Variants in NFIB observed in about 807,000 individuals in gnomAD.
The protein encoded by NFIB is nuclear factor 1 B-type.
In NFIB, 11 loss-of-function variants were observed where a neutral mutation model predicts 61.5. The ratio of observed to expected loss-of-function variants is 0.18; its 90% confidence interval spans 0.11 to 0.30. The LOEUF (loss-of-function observed/expected upper bound fraction) is 0.30. Ranked by LOEUF, NFIB falls within the 10% of genes least tolerant of loss-of-function variation. NFIB has a pLI of 1.00. For missense variants in NFIB, 471 were observed against 608.9 expected (o/e 0.77, Z 2.38); for synonymous variants, 260 against 216.5 (o/e 1.20, Z -1.76).
chr9:14,150,882 C>T (rs531104606), intron 4 of NFIB, among the ~76,000 whole-genome samples: 24 of 152,004 alleles, frequency 1.6e-4, no homozygotes, highest in African/African-American at 5.5e-4. Flanking sequence ...ACCCCATTTA[C>T]CCTGATGTGA....
chr9:14,239,878 T>C (rs2054175669), intron 2 of NFIB, among the ~76,000 whole-genome samples: 1 of 152,092 alleles, frequency 6.6e-6, no homozygotes, highest in Non-Finnish European at 1.5e-5. Context: ...AAAGAGAACA[T>C]TACATTTCAC....
intron 1 of NFIB, among the ~76,000 whole-genome samples, chr9:14,345,075 T>A (rs1238806400): frequency 6.6e-6 from 1 of 152,186 alleles, no homozygotes; most frequent in Non-Finnish European, 1.5e-5. Flanking sequence ...GCCACTCTCC[T>A]GAGCTCGGCC....
the NFIB span, among the ~76,000 whole-genome samples, chr9:14,464,298 C>T: frequency 5.3e-5 from 8 of 152,136 alleles, no homozygotes; most frequent in South Asian, 2.1e-4. Context: ...TTCAGCTTAT[C>T]GTGCAGGTAA....
At chr9:14,190,426 G>T (rs1217812241) in intron 2 of NFIB, among the ~76,000 whole-genome samples, 1 of 152,050 alleles carries the variant, frequency 6.6e-6, no homozygotes, top group East Asian at 1.9e-4. Flanking sequence ...AATATTAGAG[G>T]AAAAAAATCA....
intron 6 of NFIB, among the ~76,000 whole-genome samples, chr9:14,141,704 A>G (rs73642097): frequency 0.19 from 29,253 of 152,044 alleles, 3,133 homozygotes; most frequent in South Asian, 0.34. Context: ...GTAGAAATTA[A>G]TAACATTTTA....
the NFIB span, among the ~76,000 whole-genome samples, chr9:14,420,432 C>A: frequency 1.3e-5 from 1 of 74,980 alleles, no homozygotes; most frequent in Non-Finnish European, 2.5e-5. Flanking sequence ...GGCAACAGAG[C>A]GAGACTCCGT....
chr9:14,263,310 C>A (rs1414671896), intron 2 of NFIB, among the ~76,000 whole-genome samples: 2 of 150,186 alleles, frequency 1.3e-5, no homozygotes, highest in East Asian at 3.9e-4. Flanking sequence ...GCTACGAACT[C>A]AAGGATGTTC....
intron 10 of NFIB, among the ~76,000 whole-genome samples, chr9:14,095,729 A>G (rs1216634026): frequency 6.6e-6 from 1 of 152,172 alleles, no homozygotes; most frequent in African/African-American, 2.4e-5. Flanking sequence ...TATTTGCACA[A>G]TTTTACCTCT....
At chr9:14,259,024 G>A (rs1244610419) in intron 2 of NFIB, among the ~76,000 whole-genome samples, 1 of 152,130 alleles carries the variant, frequency 6.6e-6, no homozygotes, top group Non-Finnish European at 1.5e-5. Context: ...GGGAGTGGGG[G>A]AGTGGTATAA....
upstream of NFIB, among the ~76,000 whole-genome samples, chr9:14,400,667 G>A (rs1230152081): frequency 6.6e-6 from 1 of 152,132 alleles, no homozygotes; most frequent in Admixed American, 6.6e-5. Context: ...AGCAAACCAA[G>A]CAGGAGGCCT....
the NFIB span, among the ~76,000 whole-genome samples, chr9:14,457,766 G>A: frequency 6.6e-6 from 1 of 152,136 alleles, no homozygotes; most frequent in Non-Finnish European, 1.5e-5. Flanking sequence ...AGAAAATCTA[G>A]AAGAAATGGA....
intron 2 of NFIB, among the ~76,000 whole-genome samples, chr9:14,304,447 T>C (rs1259163698): frequency 6.6e-6 from 1 of 152,252 alleles, no homozygotes; most frequent in Non-Finnish European, 1.5e-5. Context: ...CACACTGCAA[T>C]GCGGATGCCA....
chr9:14,135,489 C>G (rs1159803994), intron 6 of NFIB, among the ~76,000 whole-genome samples: 2 of 152,114 alleles, frequency 1.3e-5, no homozygotes, highest in Admixed American at 1.3e-4. Context: ...CTAAGGACTC[C>G]TCTAGATGTA....
At chr9:14,121,751 T>C (rs2038970121) in intron 7 of NFIB, among the ~76,000 whole-genome samples, 1 of 152,176 alleles carries the variant, frequency 6.6e-6, no homozygotes, top group Non-Finnish European at 1.5e-5. Flanking sequence ...TTTACCCATA[T>C]ATCACATATT....
chr9:14,212,307 T>C (rs1377798287), intron 2 of NFIB, among the ~76,000 whole-genome samples: 2 of 152,228 alleles, frequency 1.3e-5, no homozygotes, highest in African/African-American at 4.8e-5. Flanking sequence ...TTAATTTTAC[T>C]TAGAAATTGC....
chr9:14,248,113 T>G (rs2055145512), intron 2 of NFIB, among the ~76,000 whole-genome samples: 1 of 151,798 alleles, frequency 6.6e-6, no homozygotes, highest in Admixed American at 6.6e-5. Context: ...TTGAATTTTT[T>G]TGTAGAGATG....
intron 2 of NFIB, among the ~76,000 whole-genome samples, chr9:14,187,839 G>T (rs578076771): frequency 5.3e-5 from 8 of 152,194 alleles, no homozygotes; most frequent in African/African-American, 1.9e-4. Flanking sequence ...TACCACAGGG[G>T]ACTACTAATG....
chr9:14,179,256 T>G (rs1223208349), intron 3 of NFIB, among the ~76,000 whole-genome samples: 2 of 152,084 alleles, frequency 1.3e-5, no homozygotes, highest in African/African-American at 2.4e-5. Flanking sequence ...GGAGATCCAA[T>G]AAAAACTTTA....
At chr9:14,165,511 G>C (rs922481064) in intron 3 of NFIB, among the ~76,000 whole-genome samples, 9 of 152,302 alleles carry the variant, frequency 5.9e-5, no homozygotes, top group East Asian at 1.9e-4. Context: ...CATTACGATA[G>C]AGGAAAAAGT....
Sources: allele counts gnomAD v4.1 joint callset (sites outside exome capture counted in the v4.1 genomes callset), GRCh38; gene constraint gnomAD v4.1.1; transcripts MANE v1.5; gene names NCBI Gene and HGNC (gene_info 2026-07-23, HGNC 2026-07-21).